The following PRIMPOL variants were observed in gnomAD, a reference collection of about 807,000 sequenced individuals.
The protein encoded by PRIMPOL is primase and DNA directed polymerase, also known as DNA-directed primase/polymerase protein.
In PRIMPOL, 54 loss-of-function variants were observed where a neutral mutation model predicts 63.6. The observed-to-expected ratio is 0.85, with a 90% CI of 0.68 to 1.07. The LOEUF is 1.07. Ranked by LOEUF, PRIMPOL falls within the 50% of genes least tolerant of loss-of-function variation. PRIMPOL has a pLI of 0.00. For missense variants in PRIMPOL, 610 were observed against 648.3 expected, an observed-to-expected ratio of 0.94 and a Z score of 0.64; for synonymous variants, 197 against 220.2, an observed-to-expected ratio of 0.89 and a Z score of 0.93.
At chr4:184,660,285 A>G (rs1248650435) in intron 4 of PRIMPOL, among the ~76,000 whole-genome samples, 1 of 148,968 alleles carries the variant, frequency 6.7e-6, no homozygotes, top group Non-Finnish European at 1.5e-5. Flanking sequence ...AGTTCAAGCA[A>G]TTCTCCTGTC....
At chr4:184,680,112 T>A (rs529300663) in intron 8 of PRIMPOL, among the ~76,000 whole-genome samples, 1 of 152,324 alleles carries the variant, frequency 6.6e-6, no homozygotes, top group East Asian at 1.9e-4. Context: ...GGCTGGCAAC[T>A]TTTTCAGCCC....
intron 8 of PRIMPOL, among the ~76,000 whole-genome samples, chr4:184,680,455 T>C (rs954318425): frequency 6.6e-6 from 1 of 152,218 alleles, no homozygotes; most frequent in Non-Finnish European, 1.5e-5. Context: ...CCCAAAGTGC[T>C]GGGATTACAG....
chr4:184,672,494 G>A (rs750869342), intron 7 of PRIMPOL, 34 bp downstream of exon 7: 82 of 1,555,872 alleles, frequency 5.3e-5, no homozygotes, highest in African/African-American at 6.9e-5. Context: ...CCATCAGACC[G>A]CCCTGGTGCT....
chr4:184,677,613 A>G (rs538358915), intron 7 of PRIMPOL, among the ~76,000 whole-genome samples: 1 of 152,290 alleles, frequency 6.6e-6, no homozygotes, highest in South Asian at 2.1e-4. Context: ...ATTTCTTGGT[A>G]GTTATTGACC....
chr4:184,652,396 G>C (rs1194932539), intron 2 of PRIMPOL, among the ~76,000 whole-genome samples: 1 of 101,150 alleles, frequency 9.9e-6, no homozygotes. Context: ...AGGATAGAAA[G>C]GAGGAACTGG....
intron 3 of PRIMPOL, among the ~76,000 whole-genome samples, chr4:184,657,838 A>G (rs888969111): frequency 2.0e-5 from 3 of 152,036 alleles, no homozygotes; most frequent in African/African-American, 7.2e-5. Context: ...TACTATAAAT[A>G]CAAAATTAGC....
intron 4 of PRIMPOL, among the ~76,000 whole-genome samples, chr4:184,660,432 C>T (rs1310594816): frequency 1.3e-5 from 2 of 152,100 alleles, no homozygotes; most frequent in Non-Finnish European, 2.9e-5. Context: ...CTGCCTGCCT[C>T]GGCCTCCCAA....
At chr4:184,655,930 T>G (rs930430421) in intron 2 of PRIMPOL, among the ~76,000 whole-genome samples, 4 of 152,214 alleles carry the variant, frequency 2.6e-5, no homozygotes, top group African/African-American at 9.6e-5. Flanking sequence ...ACTTACTGGC[T>G]TAAAAAAGAC....
intron 13 of PRIMPOL, among the ~76,000 whole-genome samples, chr4:184,693,870 T>C (rs1759740887): frequency 6.6e-6 from 1 of 152,206 alleles, no homozygotes. Flanking sequence ...GGGGGTATCA[T>C]GTTGCCCGGG....
At position 184,684,316 on chromosome 4, in the gene PRIMPOL, C is replaced by T. The variant is rs923715043; in HGVS notation, c.1097-1093C>T. Among the ~76,000 whole-genome samples, 7 of 152,072 alleles carry T rather than the reference C, an allele frequency of 4.6e-5. No homozygotes were observed. The East Asian group carries it at 9.7e-4, about 21-fold the overall frequency. ...ACTAAAAATACAAAAATTAGCAAGG[C>T]GTGGTGTTGCACGCCTGTAATCCCA... On this transcript the variant is annotated intron_variant, in intron 9 of 13. Transcript: ENST00000314970.
chr4:184,682,270 C>A lies in PRIMPOL; in HGVS notation c.1030C>A (p.Leu344Ile), dbSNP rs1234223792. The A allele has an allele frequency of 1.9e-6, 3 of 1,597,392 alleles. No homozygotes were observed. The African/African-American group carries it at 4.0e-5, about 21-fold the overall frequency. ...NVRFSDTLRI[L>I]TCEPSQNKQK... ...CAGGTTCTCAGATACTTTACGAATT[C>A]TTACATGTGAGCCATCTCAGAATAA... Residue 344 changes from leucine to isoleucine, a missense_variant, in exon 9 of 14, where the codon CTT becomes ATT. Transcript: ENST00000314970.
Position 184,673,702 on chromosome 4 carries a change from T to C in PRIMPOL, c.844+1242T>C, listed in dbSNP as rs181281416. ...CCTCCCAAAGTGCTGGGATTACAGG[T>C]GTGAGCCACTGCGCCCGCCAGACAG... is the stretch of plus-strand genomic sequence containing the variant. On this transcript the variant is annotated intron_variant, in intron 7 of 13. Coordinates refer to ENST00000314970, the MANE Select transcript of PRIMPOL (RefSeq NM_152683.4). Among the ~76,000 whole-genome samples, 419 of 151,452 alleles carry C rather than the reference T, an allele frequency of 2.8e-3. 5 individuals are homozygous for C. Among genetic ancestry groups the C allele is most frequent in the African/African-American group, 8.6e-3 (353 of 41,262 alleles).
chr4:184,673,534 C>T (rs1752483072), intron 7 of PRIMPOL, among the ~76,000 whole-genome samples: 1 of 151,578 alleles, frequency 6.6e-6, no homozygotes, highest in Admixed American at 6.6e-5. Context: ...AAACGATTCT[C>T]CTCCCTCAGC....
chr4:184,693,382 T>A (rs1759474668), intron 13 of PRIMPOL, among the ~76,000 whole-genome samples: 2 of 152,158 alleles, frequency 1.3e-5, no homozygotes, highest in Admixed American at 1.3e-4. Context: ...TTTCCGCTTA[T>A]CTAGTAACAC....
At chr4:184,693,296 A>AG in intron 13 of PRIMPOL, among the ~76,000 whole-genome samples, 1 of 152,254 alleles carries the variant, frequency 6.6e-6, no homozygotes, top group Non-Finnish European at 1.5e-5. Context: ...CTCCAAGAGG[A>AG]GGAGGATTGC....
chr4:184,684,317 G>T (rs1384894783), intron 9 of PRIMPOL, among the ~76,000 whole-genome samples: 1 of 152,006 alleles, frequency 6.6e-6, no homozygotes, highest in Admixed American at 6.6e-5. Context: ...TTAGCAAGGC[G>T]TGGTGTTGCA....
intron 2 of PRIMPOL, among the ~76,000 whole-genome samples, chr4:184,655,533 G>A (rs1347348803): frequency 6.6e-6 from 1 of 151,574 alleles, no homozygotes; most frequent in Non-Finnish European, 1.5e-5. Context: ...TCTTGGTCAG[G>A]CTGGTCTCGA....
chr4:184,692,291 TG>T (rs1433723241), intron 13 of PRIMPOL, among the ~76,000 whole-genome samples: 1 of 151,696 alleles, frequency 6.6e-6, no homozygotes, highest in Admixed American at 6.6e-5. Context: ...CTGGCCAACA[TG>T]GAGAAACCCC....
At chr4:184,682,869 G>T (rs1186469962) in intron 9 of PRIMPOL, among the ~76,000 whole-genome samples, 1 of 150,852 alleles carries the variant, frequency 6.6e-6, no homozygotes, top group Non-Finnish European at 1.5e-5. Context: ...GAGCAACTTA[G>T]CAAAACCCTA....
Sources: allele counts gnomAD v4.1 joint callset (sites outside exome capture counted in the v4.1 genomes callset), GRCh38; gene constraint gnomAD v4.1.1; transcripts MANE v1.5; gene names NCBI Gene and HGNC (gene_info 2026-07-23, HGNC 2026-07-21).